The following NKAIN3 variants were observed in gnomAD, a reference collection of about 807,000 sequenced individuals.
The protein encoded by NKAIN3 is sodium/potassium-transporting ATPase subunit beta-1-interacting protein 3.
In NKAIN3, 25 loss-of-function variants were observed where a neutral mutation model predicts 30.2. The ratio of observed to expected loss-of-function variants is 0.83; its 90% CI spans 0.60 to 1.16. The LOEUF (loss-of-function observed/expected upper bound fraction) is 1.16, where lower values mean the gene tolerates loss of function less well. Ranked by LOEUF, NKAIN3 falls within the 50% of genes most tolerant of loss-of-function variation. The probability of loss-of-function intolerance (pLI) is 0.00; values close to 1 mark genes in which losing one functional copy is unlikely to be tolerated. For synonymous variants in NKAIN3, 91 were observed against 89.6 expected, an observed-to-expected ratio of 1.02 and a Z score of -0.09; for missense variants, 225 against 254.1, an observed-to-expected ratio of 0.89 and a Z score of 0.78.
intron 6 of NKAIN3, among the ~76,000 whole-genome samples, chr8:62,960,104 T>A (rs566827379): frequency 6.6e-6 from 1 of 152,230 alleles, no homozygotes; most frequent in Admixed American, 6.5e-5. Flanking sequence ...AGCAGTGAAA[T>A]GGCTGTGTGT....
chr8:62,993,563 G>A (rs16930057), intron 5 of NKAIN3, among the ~76,000 whole-genome samples: 39,049 of 151,948 alleles, frequency 0.26, 5,514 homozygotes, highest in African/African-American at 0.38. Context: ...TCCCGGCACT[G>A]GAAAAATCTC....
chr8:62,731,034 A>C (rs904580215), intron 3 of NKAIN3, among the ~76,000 whole-genome samples: 5 of 152,042 alleles, frequency 3.3e-5, no homozygotes, highest in African/African-American at 1.2e-4. Context: ...GACTTTGTAA[A>C]AGTTTTCAGG....
intron 3 of NKAIN3, among the ~76,000 whole-genome samples, chr8:62,631,078 G>A (rs1811943033): frequency 6.6e-6 from 1 of 152,022 alleles, no homozygotes; most frequent in African/African-American, 2.4e-5. Flanking sequence ...TCTCTCAGTG[G>A]CCACTAATAA....
intron 1 of NKAIN3, among the ~76,000 whole-genome samples, chr8:62,497,019 A>C (rs1254434149): frequency 1.3e-5 from 2 of 152,118 alleles, no homozygotes; most frequent in African/African-American, 4.8e-5. Context: ...TTCACAATTA[A>C]GAAGGCACTG....
At chr8:62,903,629 T>C (rs1049530070) in intron 4 of NKAIN3, among the ~76,000 whole-genome samples, 2 of 152,178 alleles carry the variant, frequency 1.3e-5, no homozygotes, top group African/African-American at 4.8e-5. Context: ...AGTTTCTTGA[T>C]AAGCCCTCTA....
intron 1 of NKAIN3, among the ~76,000 whole-genome samples, chr8:62,560,969 T>G (rs1483448628): frequency 6.6e-6 from 1 of 152,182 alleles, no homozygotes; most frequent in Non-Finnish European, 1.5e-5. Flanking sequence ...ACTTTTTATT[T>G]TTTGTTGAAG....
At chr8:62,367,483 C>T (rs1260824383) in intron 1 of NKAIN3, among the ~76,000 whole-genome samples, 1 of 152,000 alleles carries the variant, frequency 6.6e-6, no homozygotes, top group Non-Finnish European at 1.5e-5. Context: ...TAAACGTGAT[C>T]AATAGATGCA....
At chr8:62,834,259 C>T (rs1470812931) in intron 4 of NKAIN3, among the ~76,000 whole-genome samples, 1 of 152,002 alleles carries the variant, frequency 6.6e-6, no homozygotes, top group Non-Finnish European at 1.5e-5. Context: ...CCCTTAAGAA[C>T]AGGAAGAAAA....
At chr8:62,345,258 T>TATATACAC (rs139656573) in intron 1 of NKAIN3, among the ~76,000 whole-genome samples, 2 of 142,720 alleles carry the variant, frequency 1.4e-5, no homozygotes, top group African/African-American at 5.4e-5. Context: ...GGTATATATA[T>TATATACAC]ACACACACAC....
rs1425598822 is a variant in NKAIN3 at position 62,967,933 on chromosome 8, A to C, written c.*2526A>C. On this transcript the variant is annotated 3_prime_UTR_variant, in exon 7 of 7. Coordinates refer to ENST00000623646, the MANE Select transcript of NKAIN3 (RefSeq NM_001304533.3). ...TGAACTTAGTCTAAGTGCAGATAAC[A>C]GCTTTGAGGAAAAAATCCTTACCTT... Among the ~76,000 whole-genome samples, 2 of 152,208 alleles carry C rather than the reference A, an allele frequency of 1.3e-5. No individual in the cohort carries two copies. The highest frequency in any genetic ancestry group is 2.9e-5 in the Non-Finnish European group (2 of 68,030).
At position 62,971,315 on chromosome 8, in the gene NKAIN3, A is replaced by G. The variant is rs1823829375; in HGVS notation, c.*5908A>G. Among the ~76,000 whole-genome samples, 1 of 152,158 alleles carries G rather than the reference A, an allele frequency of 6.6e-6. No homozygotes were observed. On this transcript the variant is annotated 3_prime_UTR_variant, in exon 7 of 7. Coordinates refer to ENST00000623646, the MANE Select transcript of NKAIN3 (RefSeq NM_001304533.3). ...AAGAAACCTGGGTATTATAGTCTTT[A>G]TTCTTAATGACTTTATGCTTAACTA...
At chr8:62,669,117 A>G (rs1215645759) in intron 3 of NKAIN3, among the ~76,000 whole-genome samples, 1 of 152,150 alleles carries the variant, frequency 6.6e-6, no homozygotes, top group Non-Finnish European at 1.5e-5. Context: ...TTTTAAGGCA[A>G]AGCCTCACTC....
In NKAIN3 at chr8:62,363,935, A is replaced by G. The variant is rs189917256; in HGVS notation, c.54+114808A>G. On this transcript the variant is annotated intron_variant, in intron 1 of 6. Coordinates refer to ENST00000623646, the MANE Select transcript of NKAIN3 (RefSeq NM_001304533.3). ...TTTAATCAGTCCTTAGTCTCTTTCTATTGTGCAATACAGATGAGAAATAAT... is the reference window on the plus strand; with the variant it reads ...TTTAATCAGTCCTTAGTCTCTTTCTGTTGTGCAATACAGATGAGAAATAAT... Among the ~76,000 whole-genome samples the G allele has an allele frequency of 6.3e-3, 966 of 152,346 alleles. 15 individuals carry two copies. The highest frequency in any genetic ancestry group is 0.022 in the African/African-American group (924 of 41,582).
intron 2 of NKAIN3, among the ~76,000 whole-genome samples, chr8:62,583,777 C>T (rs1321818248): frequency 6.6e-6 from 1 of 152,150 alleles, no homozygotes; most frequent in East Asian, 1.9e-4. Flanking sequence ...GCCTACCTCC[C>T]AGTCAGATAT....
chr8:62,957,677 A>AAAAGTTT (rs1294889475), intron 6 of NKAIN3, among the ~76,000 whole-genome samples: 1 of 152,186 alleles, frequency 6.6e-6, no homozygotes, highest in African/African-American at 2.4e-5. Flanking sequence ...AGGCAAAACT[A>AAAAGTTT]TGGAGACAGT....
chr8:62,785,398 G>T (rs1234966524), intron 4 of NKAIN3, among the ~76,000 whole-genome samples: 3 of 152,120 alleles, frequency 2.0e-5, no homozygotes, highest in African/African-American at 7.2e-5. Flanking sequence ...AAGTAGATCA[G>T]TCGTCACTTA....
chr8:62,694,956 T>C (rs17178121), intron 3 of NKAIN3, among the ~76,000 whole-genome samples: 8,276 of 152,252 alleles, frequency 0.054, 315 homozygotes, highest in Middle Eastern at 0.12. Flanking sequence ...ACTTGCTACA[T>C]TTTATATCTC....
At chr8:62,301,021 A>G (rs1212019799) in intron 1 of NKAIN3, among the ~76,000 whole-genome samples, 1 of 152,134 alleles carries the variant, frequency 6.6e-6, no homozygotes, top group Non-Finnish European at 1.5e-5. Context: ...AGACTATCAA[A>G]TCTTCTAAAG....
At chr8:62,999,627 T>C (rs924317671) in exon 6 of NKAIN3, 16 of 152,230 alleles carry the variant, frequency 1.1e-4, no homozygotes, top group African/African-American at 3.6e-4. Context: ...GTGCTGAAGC[T>C]TTGTTTAATG....
Sources: gnomAD v4.1 joint callset for allele counts (sites outside exome capture counted in the v4.1 genomes callset) on GRCh38, gnomAD v4.1.1 for gene constraint, MANE v1.5 for transcripts, NCBI Gene and HGNC (gene_info 2026-07-23, HGNC 2026-07-21) for gene names.